CLCN5: variants seen among roughly 807,000 people sequenced by gnomAD.
CLCN5 encodes Cl-/H+ antiporter 5, also known as H(+)/Cl(-) exchange transporter 5.
Under a neutral mutation model 54.0 loss-of-function variants are expected in CLCN5, and 17 were observed. The ratio of observed to expected loss-of-function variants is 0.31; its 90% CI spans 0.22 to 0.47. The LOEUF (loss-of-function observed/expected upper bound fraction) is 0.47. Ranked by LOEUF, CLCN5 falls within the 20% of genes least tolerant of loss-of-function variation. CLCN5 has a pLI of 1.00. For missense variants in CLCN5, 448 were observed against 646.7 expected (o/e 0.69, Z 3.33); for synonymous variants, 222 against 233.0 (o/e 0.95, Z 0.43).
chrX:50,063,743 C>G lies in CLCN5; in HGVS notation c.164-6136C>G, dbSNP rs374650196. Among the ~76,000 whole-genome samples, 231 of 109,808 alleles carry G rather than the reference C, an allele frequency of 2.1e-3. 1 individual carries two copies. Among genetic ancestry groups the G allele is most frequent in the African/African-American group, 7.2e-3 (217 of 29,938 alleles). ...TTAGACCAATATCCTTGATGAACAT[C>G]GATGCAAAAATCCTCAATAAAATAC... On this transcript the variant is annotated intron_variant, in intron 4 of 14. Transcript: ENST00000376091.
chrX:49,934,950 C>A (rs1251589377), intron 3 of CLCN5, among the ~76,000 whole-genome samples: 1 of 111,849 alleles, frequency 8.9e-6, no homozygotes, highest in Non-Finnish European at 1.9e-5. Flanking sequence ...TGTGACTCAG[C>A]ACTGAATATT....
At chrX:50,041,305 T>C (rs978729010) in intron 3 of CLCN5, among the ~76,000 whole-genome samples, 3 of 111,887 alleles carry the variant, frequency 2.7e-5, no homozygotes, top group Admixed American at 1.9e-4. Flanking sequence ...TGACTAAGAT[T>C]TTCTTTAAGA....
chrX:49,927,177 G>A (rs782184453), intron 3 of CLCN5, among the ~76,000 whole-genome samples: 1 of 111,941 alleles, frequency 8.9e-6, no homozygotes, highest in East Asian at 2.8e-4. Context: ...TGTTCCTAAT[G>A]ATGCATAAAG....
chrX:49,952,375 A>G (rs1322240095), intron 3 of CLCN5, among the ~76,000 whole-genome samples: 2 of 111,160 alleles, frequency 1.8e-5, no homozygotes, highest in Non-Finnish European at 3.8e-5. Context: ...TTACAAAAAA[A>G]AAAAGGGAAA....
intron 12 of CLCN5, 59 bp from the exon 13 acceptor site, chrX:50,090,057 A>G: frequency 8.6e-7 from 1 of 1,160,717 alleles, no homozygotes; most frequent in Non-Finnish European, 1.2e-6. Flanking sequence ...GGAAAGGCCC[A>G]TAATTGTAAG....
intron 4 of CLCN5, chrX:50,054,675 C>G (rs953520549): frequency 8.9e-6 from 1 of 112,067 alleles, no homozygotes; most frequent in East Asian, 2.8e-4. Context: ...AAGCTTCTCT[C>G]TTCAGATTTT....
intron 3 of CLCN5, among the ~76,000 whole-genome samples, chrX:49,949,045 G>A (rs1462789088): frequency 8.9e-6 from 1 of 112,252 alleles, no homozygotes; most frequent in Non-Finnish European, 1.9e-5. Flanking sequence ...ATGAGGCTGT[G>A]TTGCATAAGC....
At chrX:50,048,302 C>G (rs1932463154) in intron 4 of CLCN5, among the ~76,000 whole-genome samples, 1 of 112,743 alleles carries the variant, frequency 8.9e-6, no homozygotes, top group Admixed American at 9.3e-5. Context: ...CTCTGCTCAC[C>G]TCCTGCTACG....
At chrX:50,087,373 A>G (rs1933926372) in intron 11 of CLCN5, among the ~76,000 whole-genome samples, 1 of 111,424 alleles carries the variant, frequency 9.0e-6, no homozygotes, top group Non-Finnish European at 1.9e-5. Context: ...AGTTTTTTAC[A>G]GTGGTATCAA....
At chrX:50,000,428 G>A (rs1929743457) in intron 3 of CLCN5, among the ~76,000 whole-genome samples, 1 of 110,641 alleles carries the variant, frequency 9.0e-6, no homozygotes, top group Non-Finnish European at 1.9e-5. Context: ...CCCCTTTTCT[G>A]TGCATGCCCC....
At chrX:50,085,019 A>G (rs868961219) in intron 9 of CLCN5, among the ~76,000 whole-genome samples, 17 of 112,068 alleles carry the variant, frequency 1.5e-4, no homozygotes, top group African/African-American at 5.2e-4. Flanking sequence ...CCTTCCAGCT[A>G]GCACCAGAGA....
intron 3 of CLCN5, among the ~76,000 whole-genome samples, chrX:50,007,440 T>TCTCTCTCACA (rs1374630944): frequency 5.8e-5 from 4 of 69,532 alleles, no homozygotes; most frequent in East Asian, 3.7e-4. Context: ...TCTCTCTCTG[T>TCTCTCTCACA]CACACACACA....
chrX:50,057,747 G>T (rs1276204384), intron 4 of CLCN5, among the ~76,000 whole-genome samples: 1 of 107,135 alleles, frequency 9.3e-6, no homozygotes, highest in Admixed American at 9.8e-5. Flanking sequence ...TTGGCCACTG[G>T]ACTTAATTGA....
chrX:50,026,997 A>ATTTC (rs1247342164), intron 3 of CLCN5, among the ~76,000 whole-genome samples: 47 of 100,535 alleles, frequency 4.7e-4, no homozygotes, highest in Admixed American at 1.9e-3. Context: ...TATTTCTTCT[A>ATTTC]TTTCTTTCTT....
At chrX:50,039,762 G>A (rs1336068916) in intron 3 of CLCN5, among the ~76,000 whole-genome samples, 1 of 109,595 alleles carries the variant, frequency 9.1e-6, no homozygotes, top group South Asian at 4.0e-4. Flanking sequence ...GCACAATCTC[G>A]GCTCACTGCA....
intron 3 of CLCN5, among the ~76,000 whole-genome samples, chrX:50,030,404 C>T (rs1931639434): frequency 9.0e-6 from 1 of 111,445 alleles, no homozygotes; most frequent in Non-Finnish European, 1.9e-5. Context: ...AGTAGATTTA[C>T]CTCCTAATTT....
chrX:50,034,957 G>C (rs782150187), intron 3 of CLCN5, among the ~76,000 whole-genome samples: 1 of 110,981 alleles, frequency 9.0e-6, no homozygotes, highest in Non-Finnish European at 1.9e-5. Flanking sequence ...TTATCATGTT[G>C]CTCCTCAAAA....
intron 4 of CLCN5, chrX:50,067,641 C>T: frequency 1.3e-6 from 1 of 751,710 alleles, no homozygotes; most frequent in Non-Finnish European, 1.6e-6. Context: ...AGCAAGTGCC[C>T]TTCTAAAGCA....
At chrX:50,076,013 G>A (rs372969620) in intron 7 of CLCN5, 31 bp downstream of exon 7, 1 of 1,146,695 alleles carries the variant, frequency 8.7e-7, no homozygotes, top group Admixed American at 2.2e-5. Flanking sequence ...ATGAGCCATT[G>A]ACTTTTCTTC....
Sources: gnomAD v4.1 joint callset for allele counts (sites outside exome capture counted in the v4.1 genomes callset) on GRCh38, gnomAD v4.1.1 for gene constraint, MANE v1.5 for transcripts, NCBI Gene and HGNC (gene_info 2026-07-23, HGNC 2026-07-21) for gene names.